ANLN: variants seen among roughly 807,000 people sequenced by gnomAD.
The protein encoded by ANLN is anillin.
Under a neutral mutation model 135.1 loss-of-function variants are expected in ANLN, and 59 were observed. The observed-to-expected ratio is 0.44, with a 90% CI of 0.35 to 0.54. ANLN has a LOEUF of 0.54. Ranked by LOEUF, ANLN falls within the 20% of genes least tolerant of loss-of-function variation. ANLN has a pLI of 0.00. For synonymous variants in ANLN, 406 were observed against 456.4 expected (o/e 0.89, Z 1.41); for missense variants, 1,182 against 1,340.0 (o/e 0.88, Z 1.84).
intron 20 of ANLN, among the ~76,000 whole-genome samples, chr7:36,432,425 A>T (rs546901295): frequency 5.4e-4 from 83 of 152,314 alleles, no homozygotes; most frequent in African/African-American, 2.0e-3. Context: ...CAAGTTGAAG[A>T]TCCTTCACCT....
At chr7:36,434,843 A>T (rs1363585591) in intron 20 of ANLN, among the ~76,000 whole-genome samples, 1 of 152,196 alleles carries the variant, frequency 6.6e-6, no homozygotes, top group Non-Finnish European at 1.5e-5. Flanking sequence ...CCTGGGTAAC[A>T]GAATGAGACT....
In ANLN at chr7:36,452,604, G is replaced by T; in HGVS notation, c.*4G>T. ...CAAACCTATTGGAAAGCCTTAAACC[G>T]GGAAATTTCCATGCTATCTAGAGGT... On this transcript the variant is annotated 3_prime_UTR_variant, in exon 24 of 24. Coordinates refer to ENST00000265748, the MANE Select transcript of ANLN (RefSeq NM_018685.5). 3 of 1,613,394 alleles carry T rather than the reference G, an allele frequency of 1.9e-6. No individual in the cohort carries two copies. The highest frequency in any genetic ancestry group is 2.5e-6 in the Non-Finnish European group (3 of 1,179,590).
chr7:36,415,271 C>T (rs968920688), intron 7 of ANLN, among the ~76,000 whole-genome samples: 7 of 152,130 alleles, frequency 4.6e-5, no homozygotes, highest in Non-Finnish European at 8.8e-5. Flanking sequence ...TCTTACCCTC[C>T]GGGTAACTGA....
At position 36,421,837 on chromosome 7, in the gene ANLN, C is replaced by T. The variant is rs1583626781; in HGVS notation, c.2164-20C>T. 1.9e-6 allele frequency: 3 copies of T among 1,576,140 alleles called. No homozygotes were observed. Among genetic ancestry groups the T allele is most frequent in the African/African-American group, 2.7e-5 (2 of 72,944 alleles). ...GATTTAAAATGTGTATATTTTTTCT[C>T]CTCTCATTGGTTTTCCTAGGAACTC... On this transcript the variant is annotated intron_variant, in intron 12 of 23. Coordinates refer to ENST00000265748, the MANE Select transcript of ANLN (RefSeq NM_018685.5).
chr7:36,445,907 C>G (rs964581587), intron 22 of ANLN, among the ~76,000 whole-genome samples: 1 of 152,194 alleles, frequency 6.6e-6, no homozygotes, highest in African/African-American at 2.4e-5. Context: ...AAACTTCCAT[C>G]AGTATGATAG....
intron 2 of ANLN, among the ~76,000 whole-genome samples, chr7:36,398,423 G>A (rs1786798125): frequency 6.6e-6 from 1 of 152,166 alleles, no homozygotes; most frequent in Non-Finnish European, 1.5e-5. Flanking sequence ...GCTCAGCTGT[G>A]TGACTTTAGG....
chr7:36,403,862 T>A (rs1161439317), intron 3 of ANLN, among the ~76,000 whole-genome samples: 1 of 152,206 alleles, frequency 6.6e-6, no homozygotes, highest in Non-Finnish European at 1.5e-5. Context: ...GGTTTTGCCG[T>A]GTTGCCCAGG....
chr7:36,446,649 G>A (rs1789013418), intron 22 of ANLN, among the ~76,000 whole-genome samples: 1 of 152,164 alleles, frequency 6.6e-6, no homozygotes, highest in African/African-American at 2.4e-5. Flanking sequence ...CTATTGTGAG[G>A]ACAGCACCAA....
intron 12 of ANLN, 52 bp downstream of exon 12, chr7:36,420,796 G>C: frequency 6.3e-7 from 1 of 1,588,076 alleles, no homozygotes; most frequent in East Asian, 2.3e-5. Flanking sequence ...ACTAGGCTGT[G>C]AGCTCTGTGA....
chr7:36,439,893 A>G (rs1441991117), intron 21 of ANLN, among the ~76,000 whole-genome samples: 2 of 152,200 alleles, frequency 1.3e-5, no homozygotes, highest in East Asian at 1.9e-4. Flanking sequence ...GGCCTTTTAA[A>G]GAATTTGGAC....
In ANLN at chr7:36,452,678, T is replaced by C; in HGVS notation, c.*78T>C. 1.3e-6 allele frequency: 2 copies of C among 1,540,602 alleles called. No homozygotes were observed. The highest frequency in any genetic ancestry group is 1.8e-6 in the Non-Finnish European group (2 of 1,127,112). ...CACTTAAGAGCATCAGATTTACTGATTGCATTTTATGCTTTAAGTACGAAA... is the reference window on the plus strand; with the variant it reads ...CACTTAAGAGCATCAGATTTACTGACTGCATTTTATGCTTTAAGTACGAAA... On this transcript the variant is annotated 3_prime_UTR_variant, in exon 24 of 24. Transcript: ENST00000265748.
At position 36,452,604 on chromosome 7, in the gene ANLN, G is replaced by A. The variant is rs115284398; in HGVS notation, c.*4G>A. ...CAAACCTATTGGAAAGCCTTAAACC[G>A]GGAAATTTCCATGCTATCTAGAGGT... On this transcript the variant is annotated 3_prime_UTR_variant, in exon 24 of 24. Coordinates refer to ENST00000265748, the MANE Select transcript of ANLN (RefSeq NM_018685.5). 2,798 of 1,613,394 alleles carry A rather than the reference G, an allele frequency of 1.7e-3. 44 individuals carry two copies. In the African/African-American group the frequency reaches 0.034, roughly 19 times the overall value.
chr7:36,417,143 AC>A lies in ANLN; in HGVS notation c.1587del (p.Asp529GlufsTer4), dbSNP rs1787677455. On this transcript the variant is annotated frameshift_variant, in exon 9 of 24. Transcript: ENST00000265748. LOFTEE classifies it high-confidence loss of function. ...AAAATAACATTGTTTTTAGAAGAGG[AC>A]AAATCCTTAAAAGTAACATCAGACC... ...PLKITLFLEE[D>X]KSLKVTSDPK... The A allele has an allele frequency of 1.2e-6, 2 of 1,609,750 alleles. No homozygotes were observed. The highest frequency in any genetic ancestry group is 1.7e-6 in the Non-Finnish European group (2 of 1,178,586).
rs549587578 is a variant in ANLN at position 36,420,135 on chromosome 7, G to A, written c.1870-34G>A. The A allele has an allele frequency of 3.2e-6, 5 of 1,584,674 alleles. No individual in the cohort carries two copies. The East Asian group carries it at 1.1e-4, about 36-fold the overall frequency. On this transcript the variant is annotated intron_variant, in intron 10 of 23. Transcript: ENST00000265748. ...CAGAATAAAATGAATTATCATTTAGGATCAATGTTAATATCTGATGCGTTT... is the reference window on the plus strand; with the variant it reads ...CAGAATAAAATGAATTATCATTTAGAATCAATGTTAATATCTGATGCGTTT...
chr7:36,448,697 C>T (rs908090802), intron 22 of ANLN, among the ~76,000 whole-genome samples: 2 of 152,126 alleles, frequency 1.3e-5, no homozygotes, highest in Non-Finnish European at 2.9e-5. Flanking sequence ...TTTAATGTAT[C>T]ATATTTGCTG....
At chr7:36,432,723 AT>A (rs1788384997) in intron 20 of ANLN, among the ~76,000 whole-genome samples, 2 of 152,088 alleles carry the variant, frequency 1.3e-5, no homozygotes, top group South Asian at 4.2e-4. Context: ...TTAATTGAGT[AT>A]TTTGGTAATC....
chr7:36,423,058 GT>G (rs1787944535), intron 14 of ANLN, among the ~76,000 whole-genome samples: 1 of 152,146 alleles, frequency 6.6e-6, no homozygotes, highest in Admixed American at 6.5e-5. Context: ...GTTGGATATG[GT>G]TTTTAAAGTT....
chr7:36,444,242 A>G (rs1266133806), intron 22 of ANLN, among the ~76,000 whole-genome samples: 2 of 151,816 alleles, frequency 1.3e-5, no homozygotes, highest in Non-Finnish European at 2.9e-5. Flanking sequence ...GTGAGCCGAG[A>G]TCACGCCACG....
At position 36,390,022 on chromosome 7, in the gene ANLN, G is replaced by T. The variant is rs1424457329; in HGVS notation, c.-5G>T. Reference sequence around the variant, plus strand: ...CCATCGTCTCGTAGTCCGACGCCTGGGGCGATGGATCCGTTTACGGAGGTG... The same window carrying T: ...CCATCGTCTCGTAGTCCGACGCCTGTGGCGATGGATCCGTTTACGGAGGTG... On this transcript the variant is annotated 5_prime_UTR_variant, in exon 1 of 24. Coordinates refer to ENST00000265748, the MANE Select transcript of ANLN (RefSeq NM_018685.5). 1 of 1,613,956 alleles carries T rather than the reference G, an allele frequency of 6.2e-7. No individual in the cohort carries two copies. The highest frequency in any genetic ancestry group is 1.3e-5 in the African/African-American group (1 of 74,932).
Sources: gnomAD v4.1 joint callset for allele counts (sites outside exome capture counted in the v4.1 genomes callset) on GRCh38, gnomAD v4.1.1 for gene constraint, MANE v1.5 for transcripts, NCBI Gene and HGNC (gene_info 2026-07-23, HGNC 2026-07-21) for gene names.